Variants in ZSWIM7 observed in about 807,000 individuals in gnomAD.
ZSWIM7 encodes zinc finger SWIM domain-containing protein 7.
A neutral mutation model predicts 21.1 loss-of-function variants in ZSWIM7; 22 were observed. The observed-to-expected ratio is 1.04, with a 90% confidence interval of 0.74 to 1.49. The LOEUF is 1.49. Among genes scored for constraint, ZSWIM7 ranks in the 40% most tolerant of loss-of-function variants. The pLI is 0.00. For missense variants in ZSWIM7, 193 were observed against 168.0 expected (o/e 1.15, Z -0.82); for synonymous variants, 67 against 66.5 (o/e 1.01, Z -0.04).
At position 15,976,783 on chromosome 17, in the gene ZSWIM7, G is replaced by T. The variant is rs1294100400; in HGVS notation, c.*1264C>A. The stretch of plus-strand genomic sequence containing the variant: ...GTCCACTGCTTCAACTCCTTCTGCA[G>T]TATCCCTGCAACAATATTACATGCT... On this transcript the variant is annotated 3_prime_UTR_variant, in exon 5 of 5. Coordinates refer to ENST00000399277, the MANE Select transcript of ZSWIM7 (RefSeq NM_001042697.2). 2.0e-5 allele frequency: 3 copies of T among 152,164 alleles called. No individual in the cohort carries two copies. Among genetic ancestry groups the T allele is most frequent in the Admixed American group, 6.5e-5 (1 of 15,280 alleles). 9.4% of individuals were successfully genotyped at this position (152,164 alleles called of 1,614,324 possible).
At chr17:15,978,861 A>G (rs937966439) in intron 4 of ZSWIM7, among the ~76,000 whole-genome samples, 4 of 151,980 alleles carry the variant, frequency 2.6e-5, no homozygotes, top group African/African-American at 9.7e-5. Flanking sequence ...AGTGCTTCTC[A>G]TAGATTATCT....
At chr17:15,979,824 G>GC (rs1435861140) in intron 4 of ZSWIM7, among the ~76,000 whole-genome samples, 8 of 109,520 alleles carry the variant, frequency 7.3e-5, no homozygotes, top group African/African-American at 2.2e-4. Flanking sequence ...CCCGGACGGG[G>GC]GGCTGACCCC....
intron 3 of ZSWIM7, among the ~76,000 whole-genome samples, 163 bp from the exon 4 acceptor site, chr17:15,981,307 A>G (rs962524263): frequency 6.6e-6 from 1 of 152,176 alleles, no homozygotes; most frequent in Non-Finnish European, 1.5e-5. Context: ...CCTCCAGTGT[A>G]CAGACTCTCC....
intron 4 of ZSWIM7, among the ~76,000 whole-genome samples, chr17:15,979,145 GT>G (rs1970314590): frequency 6.6e-6 from 1 of 151,628 alleles, no homozygotes; most frequent in Non-Finnish European, 1.5e-5. Flanking sequence ...GCCTTCCGCA[GT>G]GTTTGTGTCC....
In ZSWIM7 at chr17:15,977,826, G is replaced by C. The variant is rs1970297824; in HGVS notation, c.*221C>G. 1 of 435,070 alleles carries C rather than the reference G, an allele frequency of 2.3e-6. No individual in the cohort carries two copies. Among genetic ancestry groups the C allele is most frequent in the East Asian group, 3.5e-5 (1 of 28,508 alleles). The allele number at this position is 435,070 out of a possible 1,614,324, so 27.0% of individuals were successfully genotyped here. On this transcript the variant is annotated 3_prime_UTR_variant, in exon 5 of 5. Coordinates refer to ENST00000399277, the MANE Select transcript of ZSWIM7 (RefSeq NM_001042697.2). ...GAAGCGTCTCAGAGACTGGCTCAGG[G>C]TATTTCTTGACAAGACTGTACAGGG...
At chr17:15,987,057 T>TTATA (rs2151624874) in intron 3 of ZSWIM7, among the ~76,000 whole-genome samples, 1 of 152,344 alleles carries the variant, frequency 6.6e-6, no homozygotes, top group South Asian at 2.1e-4. Flanking sequence ...AAACATCATG[T>TTATA]TATATACCAT....
chr17:15,978,672 GACTT>G (rs1224674316), intron 4 of ZSWIM7, among the ~76,000 whole-genome samples: 1 of 152,194 alleles, frequency 6.6e-6, no homozygotes, highest in African/African-American at 2.4e-5. Context: ...AGTGGACACA[GACTT>G]ACTTTGCCTG....
At chr17:15,981,474 G>T (rs1472701832) in intron 3 of ZSWIM7, among the ~76,000 whole-genome samples, 2 of 150,536 alleles carry the variant, frequency 1.3e-5, no homozygotes, top group Non-Finnish European at 2.9e-5. Flanking sequence ...GAAGTGGGGG[G>T]GGGGAATCTC....
chr17:15,979,141 C>T (rs916210924), intron 4 of ZSWIM7, among the ~76,000 whole-genome samples: 16 of 151,350 alleles, frequency 1.1e-4, no homozygotes, highest in Admixed American at 6.6e-4. Context: ...TGCGGCCTTC[C>T]GCAGTGTTTG....
At chr17:15,980,066 G>A (rs1305507686) in intron 4 of ZSWIM7, among the ~76,000 whole-genome samples, 3 of 148,836 alleles carry the variant, frequency 2.0e-5, no homozygotes, top group East Asian at 4.1e-4. Flanking sequence ...CGGACGGGGC[G>A]GCTGGCCGGG....
intron 3 of ZSWIM7, chr17:15,986,666 G>GCTCC (rs1376738569): frequency 2.6e-5 from 4 of 152,032 alleles, no homozygotes; most frequent in African/African-American, 9.7e-5. Flanking sequence ...TGGGGTGGGG[G>GCTCC]AGGAAGAGGA....
intron 2 of ZSWIM7, among the ~76,000 whole-genome samples, chr17:15,988,944 C>T (rs1356923995): frequency 1.3e-5 from 2 of 152,060 alleles, no homozygotes; most frequent in Non-Finnish European, 2.9e-5. Context: ...CGCTTGAATC[C>T]GGGAGGTGGA....
intron 1 of ZSWIM7, among the ~76,000 whole-genome samples, chr17:15,994,761 G>A (rs1297561408): frequency 1.3e-5 from 2 of 152,160 alleles, no homozygotes; most frequent in African/African-American, 4.8e-5. Context: ...ACTTCAGCCA[G>A]GAGACTGGAA....
At chr17:15,995,361 G>A (rs113693579) in intron 1 of ZSWIM7, among the ~76,000 whole-genome samples, 7,041 of 151,216 alleles carry the variant, frequency 0.047, 546 homozygotes, top group African/African-American at 0.16. Context: ...TCCACTTCCC[G>A]GGTTCAAGCA....
intron 2 of ZSWIM7, among the ~76,000 whole-genome samples, chr17:15,989,883 C>T (rs189710978): frequency 2.7e-4 from 41 of 152,212 alleles, no homozygotes; most frequent in Admixed American, 1.6e-3. Flanking sequence ...CCTCATATTA[C>T]AGGCGTGATC....
At chr17:15,997,042 C>T (rs894366169) in intron 1 of ZSWIM7, among the ~76,000 whole-genome samples, 4 of 151,372 alleles carry the variant, frequency 2.6e-5, no homozygotes, top group Non-Finnish European at 4.4e-5. Context: ...TGCCTGCAGT[C>T]CCAGATACTC....
At chr17:15,994,872 G>T (rs1203260603) in intron 1 of ZSWIM7, among the ~76,000 whole-genome samples, 1 of 152,064 alleles carries the variant, frequency 6.6e-6, no homozygotes, top group Non-Finnish European at 1.5e-5. Flanking sequence ...TTCATATTCC[G>T]TAAGCCCCTC....
intron 1 of ZSWIM7, chr17:15,999,253 C>T (rs1970626981): frequency 2.0e-5 from 12 of 595,262 alleles, no homozygotes; most frequent in Non-Finnish European, 2.4e-5. Flanking sequence ...CTTCGGTCCC[C>T]ACTGGCCTAC....
At chr17:15,983,732 AT>A (rs1970381380) in intron 3 of ZSWIM7, among the ~76,000 whole-genome samples, 1 of 152,016 alleles carries the variant, frequency 6.6e-6, no homozygotes, top group African/African-American at 2.4e-5. Context: ...GATTACAGGC[AT>A]GTGCCACCAT....
Sources: allele counts gnomAD v4.1 joint callset (sites outside exome capture counted in the v4.1 genomes callset), GRCh38; gene constraint gnomAD v4.1.1; transcripts MANE v1.5; gene names NCBI Gene and HGNC (gene_info 2026-07-23, HGNC 2026-07-21).